The following RMDN2 variants were observed in gnomAD, a reference collection of about 807,000 sequenced individuals.
RMDN2 encodes the protein regulator of microtubule dynamics 2.
RMDN2 carries 61 observed loss-of-function variants against 52.8 expected under a neutral mutation model. That is an observed-to-expected ratio of 1.16 (90% CI 0.94 to 1.43). RMDN2 has a LOEUF of 1.43. Ranked by LOEUF, RMDN2 falls within the 40% of genes most tolerant of loss-of-function variation. The pLI is 0.00. For synonymous variants in RMDN2, 180 were observed against 153.1 expected (o/e 1.18, Z -1.30); for missense variants, 592 against 475.3 (o/e 1.25, Z -2.28).
chr2:37,986,347 CGG>C (rs1226651048), intron 5 of RMDN2, among the ~76,000 whole-genome samples: 2 of 151,990 alleles, frequency 1.3e-5, no homozygotes, highest in Admixed American at 1.3e-4. Context: ...CAGGACCAGA[CGG>C]GGTCATTGGT....
chr2:38,016,962 A>G (rs1236857729), intron 10 of RMDN2, among the ~76,000 whole-genome samples: 1 of 152,178 alleles, frequency 6.6e-6, no homozygotes, highest in Non-Finnish European at 1.5e-5. Context: ...ACTAAGAGAA[A>G]AGCAACTTGT....
intron 2 of RMDN2, among the ~76,000 whole-genome samples, chr2:37,962,873 CAT>C (rs1419283140): frequency 1.6e-4 from 25 of 152,212 alleles, no homozygotes; most frequent in Admixed American, 4.6e-4. Flanking sequence ...TTGCAAAAAA[CAT>C]AGGAAAAGCG....
chr2:38,001,150 G>A (rs372598718), intron 8 of RMDN2, among the ~76,000 whole-genome samples: 9 of 152,176 alleles, frequency 5.9e-5, no homozygotes, highest in African/African-American at 1.9e-4. Context: ...GAGCTTATAA[G>A]ATGTTTTAAA....
intron 10 of RMDN2, among the ~76,000 whole-genome samples, chr2:38,040,132 G>C (rs1029368099): frequency 2.7e-5 from 4 of 150,450 alleles, no homozygotes; most frequent in African/African-American, 9.7e-5. Context: ...TAAAAGACTA[G>C]TCTTTATTGA....
At chr2:37,992,509 A>G (rs139747565) in intron 7 of RMDN2, among the ~76,000 whole-genome samples, 1 of 152,346 alleles carries the variant, frequency 6.6e-6, no homozygotes, top group Non-Finnish European at 1.5e-5. Context: ...TTACCTTCCA[A>G]CAACTCACAT....
chr2:37,966,144 G>A (rs12712565), intron 2 of RMDN2, among the ~76,000 whole-genome samples: 124,093 of 151,820 alleles, frequency 0.82, 50,902 homozygotes, highest in Middle Eastern at 0.92. Flanking sequence ...ATTTGTGGCC[G>A]GGCGTGGTGG....
chr2:38,062,657 T>G (rs945716212), intron 10 of RMDN2, among the ~76,000 whole-genome samples: 7 of 152,126 alleles, frequency 4.6e-5, no homozygotes, highest in Non-Finnish European at 8.8e-5. Context: ...AGGGTACATG[T>G]GCACAATGTG....
intron 10 of RMDN2, among the ~76,000 whole-genome samples, chr2:38,012,085 T>G (rs189032853): frequency 6.6e-6 from 1 of 152,250 alleles, no homozygotes; most frequent in Non-Finnish European, 1.5e-5. Flanking sequence ...TCTCTCAAGC[T>G]TCATATGTTC....
intron 2 of RMDN2, among the ~76,000 whole-genome samples, chr2:37,958,478 CATTT>C (rs768714289): frequency 3.3e-5 from 5 of 151,030 alleles, no homozygotes; most frequent in Middle Eastern, 3.4e-3. Flanking sequence ...GATTTTTGCA[CATTT>C]ATTTTTTATC....
intron 2 of RMDN2, among the ~76,000 whole-genome samples, chr2:37,932,862 A>G (rs1403147454): frequency 2.0e-3 from 145 of 72,728 alleles, no homozygotes; most frequent in South Asian, 2.3e-3. Flanking sequence ...GCCGGGCGGG[A>G]GGCTGACCCC....
At chr2:38,024,936 T>C (rs564655975) in intron 10 of RMDN2, among the ~76,000 whole-genome samples, 4 of 152,166 alleles carry the variant, frequency 2.6e-5, no homozygotes, top group Non-Finnish European at 5.9e-5. Context: ...ATTAATGTAG[T>C]TTTCTAGATT....
chr2:37,949,041 G>C (rs994409966), intron 2 of RMDN2, among the ~76,000 whole-genome samples: 2 of 152,098 alleles, frequency 1.3e-5, no homozygotes, highest in African/African-American at 4.8e-5. Flanking sequence ...TTATGTTCTT[G>C]CAATGTGCAA....
At chr2:37,993,825 A>G (rs1335774569) in intron 7 of RMDN2, among the ~76,000 whole-genome samples, 3 of 152,182 alleles carry the variant, frequency 2.0e-5, no homozygotes, top group South Asian at 2.1e-4. Flanking sequence ...AGCAGTGAAA[A>G]TTCATTTTCA....
At chr2:37,992,901 A>T (rs1391976375) in intron 7 of RMDN2, among the ~76,000 whole-genome samples, 5 of 151,908 alleles carry the variant, frequency 3.3e-5, no homozygotes, top group African/African-American at 1.2e-4. Context: ...AAACACAAGC[A>T]GTTTGTTTCT....
At chr2:37,990,687 T>C (rs1421332452) in intron 6 of RMDN2, among the ~76,000 whole-genome samples, 2 of 151,916 alleles carry the variant, frequency 1.3e-5, no homozygotes, top group African/African-American at 4.8e-5. Flanking sequence ...AAGTAAGTAA[T>C]ACACACACAC....
At chr2:37,978,804 A>ATAGT (rs1418795835) in intron 4 of RMDN2, among the ~76,000 whole-genome samples, 1 of 152,116 alleles carries the variant, frequency 6.6e-6, no homozygotes, top group Non-Finnish European at 1.5e-5. Flanking sequence ...AGATAGATAG[A>ATAGT]TAGATAGATA....
intron 2 of RMDN2, among the ~76,000 whole-genome samples, chr2:37,941,488 G>A (rs546710440): frequency 7.2e-5 from 11 of 152,280 alleles, no homozygotes; most frequent in Admixed American, 4.6e-4. Flanking sequence ...CTGAAGCTGC[G>A]CCCACAGCCG....
intron 10 of RMDN2, among the ~76,000 whole-genome samples, chr2:38,014,344 C>T (rs994518505): frequency 6.6e-6 from 1 of 152,132 alleles, no homozygotes; most frequent in African/African-American, 2.4e-5. Flanking sequence ...TGACTCTTAC[C>T]TTCTTGTCAT....
At chr2:37,956,819 C>A (rs114626808) in intron 2 of RMDN2, among the ~76,000 whole-genome samples, 2,529 of 152,088 alleles carry the variant, frequency 0.017, 65 homozygotes, top group African/African-American at 0.058. Flanking sequence ...TCCCCACCCC[C>A]AACAGCCCAC....
Sources: gnomAD v4.1 joint callset for allele counts (sites outside exome capture counted in the v4.1 genomes callset) on GRCh38, gnomAD v4.1.1 for gene constraint, MANE v1.5 for transcripts, NCBI Gene and HGNC (gene_info 2026-07-23, HGNC 2026-07-21) for gene names.